Variants in RGS12 observed in about 807,000 individuals in gnomAD.
RGS12 encodes the protein regulator of G protein signaling 12, also known as regulator of G-protein signaling 12.
RGS12 carries 66 observed loss-of-function variants against 120.1 expected under a neutral mutation model. The ratio of observed to expected loss-of-function variants is 0.55; its 90% CI spans 0.45 to 0.67. RGS12 has a LOEUF of 0.67. Ranked by LOEUF, RGS12 falls within the 30% of genes least tolerant of loss-of-function variation. The pLI is 0.00. For synonymous variants in RGS12, 827 were observed against 804.7 expected (o/e 1.03, Z -0.47); for missense variants, 1,859 against 1,957.7 (o/e 0.95, Z 0.95).
intron 4 of RGS12, among the ~76,000 whole-genome samples, chr4:3,407,750 G>T (rs1233380507): frequency 6.6e-6 from 1 of 152,226 alleles, no homozygotes; most frequent in Non-Finnish European, 1.5e-5. Context: ...TAAAGAGTCA[G>T]AGTGTTTGAG....
Position 3,366,365 on chromosome 4 carries a change from G to C in RGS12, c.1999-20051G>C, listed in dbSNP as rs1716303721. ...ATAGAGGAGCCACACCTGGGCCTTT[G>C]GCTTGGCGACCAGAGGCCTCCAGGG... On this transcript the variant is annotated intron_variant, in intron 3 of 17. Coordinates refer to ENST00000336727, the MANE Select transcript of RGS12 (RefSeq NM_001394154.1). The surrounding 1 kb of genome is among the most constrained non-coding windows in gnomAD (Gnocchi z 4.0). Among the ~76,000 whole-genome samples the C allele has an allele frequency of 6.6e-6, 1 of 152,156 alleles. No homozygotes were observed. The highest frequency in any genetic ancestry group is 2.1e-4 in the South Asian group (1 of 4,822).
intron 2 of RGS12, among the ~76,000 whole-genome samples, chr4:3,320,934 A>C (rs1213187633): frequency 1.3e-5 from 2 of 152,142 alleles, no homozygotes; most frequent in African/African-American, 2.4e-5. Context: ...AAGTTAGAAG[A>C]AGCAGCAGAG....
At chr4:3,397,431 C>T (rs1278172113) in intron 4 of RGS12, among the ~76,000 whole-genome samples, 1 of 152,168 alleles carries the variant, frequency 6.6e-6, no homozygotes, top group African/African-American at 2.4e-5. Context: ...CAGGAAGAAC[C>T]AGGAAAAAGC....
upstream of RGS12, among the ~76,000 whole-genome samples, chr4:3,288,398 C>CAGG (rs1246308615): frequency 2.0e-5 from 3 of 152,148 alleles, no homozygotes; most frequent in East Asian, 5.8e-4. The surrounding 1 kb of genome is among the most constrained non-coding windows in gnomAD (Gnocchi z 5.2). Flanking sequence ...CACCAGCACT[C>CAGG]CCCTCTGGGC....
intron 3 of RGS12, among the ~76,000 whole-genome samples, chr4:3,344,492 A>C (rs1277050101): frequency 1.3e-5 from 2 of 152,184 alleles, no homozygotes; most frequent in African/African-American, 2.4e-5. Flanking sequence ...TCTGTTGGTC[A>C]TGAGGAACTC....
chr4:3,328,454 T>A (rs1484178023), intron 2 of RGS12, among the ~76,000 whole-genome samples: 1 of 152,168 alleles, frequency 6.6e-6, no homozygotes, highest in Non-Finnish European at 1.5e-5. Flanking sequence ...CCAGTTTAGC[T>A]CCCTCAACAT....
chr4:3,325,703 A>G (rs1008125455), intron 2 of RGS12, among the ~76,000 whole-genome samples: 6 of 152,148 alleles, frequency 3.9e-5, no homozygotes, highest in Non-Finnish European at 7.3e-5. Flanking sequence ...GGCCAGTATC[A>G]CCCCAGTACC....
chr4:3,381,589 G>A (rs147456129), intron 3 of RGS12, among the ~76,000 whole-genome samples: 4 of 152,318 alleles, frequency 2.6e-5, no homozygotes, highest in African/African-American at 9.6e-5. Context: ...AGAGAGAAGT[G>A]CTGAGCAAAA....
intron 2 of RGS12, among the ~76,000 whole-genome samples, chr4:3,324,943 G>A (rs925473769): frequency 6.6e-6 from 1 of 152,160 alleles, no homozygotes; most frequent in African/African-American, 2.4e-5. Flanking sequence ...CCTGATTCAT[G>A]TACCTTGGCC....
At chr4:3,400,017 A>G (rs1223054830) in intron 4 of RGS12, among the ~76,000 whole-genome samples, 2 of 152,204 alleles carry the variant, frequency 1.3e-5, no homozygotes, top group Non-Finnish European at 2.9e-5. Context: ...AAAGCATAAC[A>G]CATGGTTTGC....
At chr4:3,428,417 A>G (rs1343666361) in intron 15 of RGS12, 141 bp from the exon 16 acceptor site, 27 of 814,160 alleles carry the variant, frequency 3.3e-5, no homozygotes, top group East Asian at 1.3e-4. Context: ...AATCCTTATC[A>G]TTGCAATGGT....
At chr4:3,404,476 G>A (rs978283729) in intron 4 of RGS12, among the ~76,000 whole-genome samples, 1 of 152,228 alleles carries the variant, frequency 6.6e-6, no homozygotes, top group African/African-American at 2.4e-5. Flanking sequence ...TCTGTGCAGG[G>A]GTGTGGGTCA....
At chr4:3,401,670 C>A (rs778541700) in intron 4 of RGS12, among the ~76,000 whole-genome samples, 5 of 152,358 alleles carry the variant, frequency 3.3e-5, no homozygotes, top group Non-Finnish European at 4.4e-5. Context: ...GACTCTGGAA[C>A]CACGCCGTGA....
chr4:3,393,836 G>A (rs1032160814), intron 4 of RGS12, among the ~76,000 whole-genome samples: 24 of 152,116 alleles, frequency 1.6e-4, no homozygotes, highest in Admixed American at 1.4e-3. Context: ...CAAAACTCAG[G>A]TCATGACGGC....
intron 3 of RGS12, chr4:3,370,043 C>A: frequency 3.2e-6 from 4 of 1,265,712 alleles, no homozygotes; most frequent in Non-Finnish European, 4.0e-6. Flanking sequence ...GATCTCACAG[C>A]GTGATTTATG....
At chr4:3,419,175 A>G (rs764734384) in intron 9 of RGS12, 3 of 152,122 alleles carry the variant, frequency 2.0e-5, no homozygotes, top group Non-Finnish European at 4.4e-5. Flanking sequence ...TACTAAAAAT[A>G]CAAAAATTAG....
chr4:3,348,778 C>G (rs1005626965), intron 3 of RGS12, among the ~76,000 whole-genome samples: 12 of 152,172 alleles, frequency 7.9e-5, no homozygotes, highest in Admixed American at 5.2e-4. Context: ...AGTCCTTGCC[C>G]TAGCCAAGCA....
chr4:3,406,075 A>G (rs1025961469), intron 4 of RGS12, among the ~76,000 whole-genome samples: 1 of 152,102 alleles, frequency 6.6e-6, no homozygotes, highest in African/African-American at 2.4e-5. Context: ...CCACTTGCCC[A>G]TCTTCATTCT....
chr4:3,383,512 G>GGGAGGATTGCTCAAACCCA (rs1299670633), intron 3 of RGS12, among the ~76,000 whole-genome samples: 1 of 152,056 alleles, frequency 6.6e-6, no homozygotes, highest in Non-Finnish European at 1.5e-5. Flanking sequence ...AGGCTGACAT[G>GGGAGGATTGCTCAAACCCA]GGAGGATTGC....
Sources: gnomAD v4.1 joint callset for allele counts (sites outside exome capture counted in the v4.1 genomes callset) on GRCh38, gnomAD v4.1.1 for gene constraint, Gnocchi (gnomAD v3.1) non-coding constraint, MANE v1.5 for transcripts, NCBI Gene and HGNC (gene_info 2026-07-23, HGNC 2026-07-21) for gene names.